Variants in CNTN5 observed in about 807,000 individuals in gnomAD.
CNTN5 encodes contactin-5.
Under a neutral mutation model 129.1 loss-of-function variants are expected in CNTN5, and 77 were observed. The ratio of observed to expected loss-of-function variants is 0.60; its 90% CI spans 0.50 to 0.72. The LOEUF (loss-of-function observed/expected upper bound fraction) is 0.72, where lower values mean the gene tolerates loss of function less well. Ranked by LOEUF, CNTN5 falls within the 30% of genes least tolerant of loss-of-function variation. The pLI is 0.00. For synonymous variants in CNTN5, 509 were observed against 465.6 expected (o/e 1.09, Z -1.20); for missense variants, 1,478 against 1,328.8 (o/e 1.11, Z -1.75).
chr11:99,323,786 G>T (rs1865668375), intron 1 of CNTN5, among the ~76,000 whole-genome samples: 1 of 152,060 alleles, frequency 6.6e-6, no homozygotes, highest in African/African-American at 2.4e-5. Context: ...CAAAATTCCT[G>T]CCTTTTTTAG....
Position 99,878,331 on chromosome 11 carries a change from GACTTT to G in CNTN5, c.577+33075_577+33079del, listed in dbSNP as rs1948686444. 2.6e-5 allele frequency among the ~76,000 whole-genome samples: 4 copies of G among 152,164 alleles called. No homozygotes were observed. In the South Asian group the frequency reaches 8.3e-4, roughly 32 times the overall value. The stretch of plus-strand genomic sequence containing the variant: ...TTTTGTCATAAAAGATATATAAGTT[GACTTT>G]ACTTTGATGAAGGGAAAGCTACTAA... On this transcript the variant is annotated intron_variant, in intron 6 of 24. Coordinates refer to ENST00000524871, the MANE Select transcript of CNTN5 (RefSeq NM_014361.4).
chr11:100,205,897 A>G (rs1304302235), intron 15 of CNTN5, among the ~76,000 whole-genome samples: 1 of 152,100 alleles, frequency 6.6e-6, no homozygotes, highest in African/African-American at 2.4e-5. Context: ...GCAACTATAC[A>G]TAAGTTCTTA....
At chr11:100,165,230 G>A (rs1947590691) in intron 13 of CNTN5, among the ~76,000 whole-genome samples, 1 of 151,782 alleles carries the variant, frequency 6.6e-6, no homozygotes, top group Non-Finnish European at 1.5e-5. Flanking sequence ...TAAATAATAT[G>A]GTTGAAGGAC....
chr11:99,962,980 C>A (rs941666212), intron 8 of CNTN5, among the ~76,000 whole-genome samples: 4 of 151,780 alleles, frequency 2.6e-5, no homozygotes, highest in African/African-American at 9.7e-5. Context: ...CTGTTCATAT[C>A]CTTCGCCCAC....
Position 100,276,464 on chromosome 11 carries a change from A to C in CNTN5, c.2314+5223A>C, listed in dbSNP as rs1290194639. ...TGAGGCATGAGAACCCGGGAGGCAG[A>C]GGTTGCACTGAGCAGACATTGCACC... On this transcript the variant is annotated intron_variant, in intron 18 of 24. Transcript: ENST00000524871. Among the ~76,000 whole-genome samples the C allele has an allele frequency of 2.1e-5, 3 of 143,202 alleles. No homozygotes were observed. The Admixed American group carries it at 2.2e-4, about 10-fold the overall frequency. The allele number at this position is 143,202 out of a possible 152,430, so 93.9% of individuals were successfully genotyped here. A position where few individuals can be genotyped will look rare whatever the true frequency, so the allele number is the denominator to read the frequency against.
Position 99,915,994 on chromosome 11 carries a change from T to G in CNTN5, c.578-60T>G, listed in dbSNP as rs546713775. 3.9e-6 allele frequency: 5 copies of G among 1,295,806 alleles called. No homozygotes were observed. In the African/African-American group the frequency reaches 7.3e-5, roughly 19 times the overall value. The allele number at this position is 1,295,806 out of a possible 1,614,324, so 80.3% of individuals were successfully genotyped here. On this transcript the variant is annotated intron_variant, in intron 6 of 24. Coordinates refer to ENST00000524871, the MANE Select transcript of CNTN5 (RefSeq NM_014361.4). ...GATAGAAAGTAAGTACAAGTTACAATCATAGCAATTCTTTACATTCTTTTC... is the reference window on the plus strand; with the variant it reads ...GATAGAAAGTAAGTACAAGTTACAAGCATAGCAATTCTTTACATTCTTTTC...
chr11:99,556,402 G>A (rs1446958812), intron 3 of CNTN5, 133 bp downstream of exon 3: 3 of 494,386 alleles, frequency 6.1e-6, no homozygotes, highest in Non-Finnish European at 1.0e-5. Flanking sequence ...TCCAACAAGA[G>A]AAAGGCAGCA....
At chr11:100,047,930 G>A (rs901254684) in intron 9 of CNTN5, among the ~76,000 whole-genome samples, 1 of 152,082 alleles carries the variant, frequency 6.6e-6, no homozygotes, top group Admixed American at 6.5e-5. Context: ...AGGAGATGGA[G>A]ACCATCCTGG....
chr11:99,764,497 C>T (rs1944688695), intron 3 of CNTN5, among the ~76,000 whole-genome samples: 1 of 152,062 alleles, frequency 6.6e-6, no homozygotes. Context: ...CTCACTGCAA[C>T]CTCCACCTCC....
intron 9 of CNTN5, among the ~76,000 whole-genome samples, chr11:100,056,743 G>A (rs1281904680): frequency 6.6e-6 from 1 of 151,454 alleles, no homozygotes; most frequent in African/African-American, 2.4e-5. Context: ...TAGTTTTCTG[G>A]GGAGTGAGGG....
intron 2 of CNTN5, among the ~76,000 whole-genome samples, chr11:99,461,982 C>A (rs1450672195): frequency 6.6e-6 from 1 of 152,092 alleles, no homozygotes; most frequent in Non-Finnish European, 1.5e-5. Context: ...TTATGCTATT[C>A]AATACAATAA....
Position 99,165,764 on chromosome 11 carries a change from G to A in CNTN5, c.-210+144494G>A, listed in dbSNP as rs1477642058. Among the ~76,000 whole-genome samples, 7 of 152,042 alleles carry A rather than the reference G, an allele frequency of 4.6e-5. No individual in the cohort carries two copies. In the East Asian group the frequency reaches 5.8e-4, roughly 13 times the overall value. ...CCTTCTCAGGTCAAAATAAGAGATC[G>A]CATCTAGAAATGATAATCCTCCTCC... On this transcript the variant is annotated intron_variant, in intron 1 of 24. Transcript: ENST00000524871.
At chr11:99,969,443 TTATC>T (rs1253755810) in intron 8 of CNTN5, among the ~76,000 whole-genome samples, 1 of 152,106 alleles carries the variant, frequency 6.6e-6, no homozygotes, top group African/African-American at 2.4e-5. Context: ...TCACTTACGT[TTATC>T]TAACTTTTTT....
intron 3 of CNTN5, among the ~76,000 whole-genome samples, chr11:99,620,746 G>A (rs979734185): frequency 6.6e-6 from 1 of 151,794 alleles, no homozygotes; most frequent in East Asian, 1.9e-4. Context: ...CAATTTTATA[G>A]TGGTTTTCAT....
intron 1 of CNTN5, among the ~76,000 whole-genome samples, chr11:99,094,359 A>G (rs1160849149): frequency 6.6e-6 from 1 of 152,042 alleles, no homozygotes; most frequent in Non-Finnish European, 1.5e-5. Context: ...ATTATAAGCA[A>G]TTATGAAACC....
intron 2 of CNTN5, among the ~76,000 whole-genome samples, chr11:99,407,268 C>T (rs1942117128): frequency 6.6e-6 from 1 of 152,292 alleles, no homozygotes; most frequent in East Asian, 1.9e-4. Flanking sequence ...CAGTTAGAAA[C>T]TGATGAATCC....
At chr11:99,357,720 A>G (rs1446343874) in intron 2 of CNTN5, among the ~76,000 whole-genome samples, 2 of 152,084 alleles carry the variant, frequency 1.3e-5, no homozygotes, top group Non-Finnish European at 2.9e-5. Flanking sequence ...TTAAGTTAAC[A>G]CTGCTATTCT....
intron 3 of CNTN5, among the ~76,000 whole-genome samples, chr11:99,712,372 A>G (rs952580814): frequency 2.0e-5 from 3 of 152,064 alleles, no homozygotes; most frequent in African/African-American, 7.2e-5. Context: ...TAGATTCTGG[A>G]TATTAGCCCT....
chr11:99,078,983 A>G (rs2135274971), intron 1 of CNTN5, among the ~76,000 whole-genome samples: 1 of 152,318 alleles, frequency 6.6e-6, no homozygotes, highest in African/African-American at 2.4e-5. Context: ...CAAATACTTG[A>G]GGTGATGGTT....
Sources: allele counts gnomAD v4.1 joint callset (sites outside exome capture counted in the v4.1 genomes callset), GRCh38; gene constraint gnomAD v4.1.1; transcripts MANE v1.5; gene names NCBI Gene and HGNC (gene_info 2026-07-23, HGNC 2026-07-21).